ORC5: variants seen among roughly 807,000 people sequenced by gnomAD.
ORC5 encodes the protein origin recognition complex subunit 5.
ORC5 carries 39 observed loss-of-function variants against 58.8 expected under a neutral mutation model. The ratio of observed to expected loss-of-function variants is 0.66; its 90% CI spans 0.51 to 0.87. The LOEUF is 0.87. Ranked by LOEUF, ORC5 falls within the 40% of genes least tolerant of loss-of-function variation. The probability of loss-of-function intolerance (pLI) is 0.00; values close to 1 mark genes in which losing one functional copy is unlikely to be tolerated. For synonymous variants in ORC5, 218 were observed against 177.6 expected, an observed-to-expected ratio of 1.23 and a Z score of -1.81; for missense variants, 493 against 506.3, an observed-to-expected ratio of 0.97 and a Z score of 0.25.
chr7:104,158,148 T>A (rs1265430201), intron 12 of ORC5, among the ~76,000 whole-genome samples: 2 of 152,092 alleles, frequency 1.3e-5, no homozygotes, highest in Non-Finnish European at 2.9e-5. Context: ...CTGTGAACTC[T>A]TTCAACCTGC....
chr7:104,144,872 T>C (rs1336043431), intron 12 of ORC5, among the ~76,000 whole-genome samples: 1 of 152,256 alleles, frequency 6.6e-6, no homozygotes. Flanking sequence ...AATACCTATG[T>C]AGTCTGATAT....
intron 13 of ORC5, among the ~76,000 whole-genome samples, chr7:104,128,419 A>G (rs1452044927): frequency 2.6e-5 from 4 of 152,198 alleles, no homozygotes; most frequent in African/African-American, 9.6e-5. Flanking sequence ...CACCGCGCCC[A>G]GCCAACACAT....
At chr7:104,173,811 T>G (rs1214297135) in intron 8 of ORC5, among the ~76,000 whole-genome samples, 3 of 152,012 alleles carry the variant, frequency 2.0e-5, no homozygotes, top group Non-Finnish European at 2.9e-5. Flanking sequence ...TTTAGTATTT[T>G]GTTTAATCTG....
intron 4 of ORC5, among the ~76,000 whole-genome samples, 174 bp from the exon 5 acceptor site, chr7:104,195,428 C>G (rs955562204): frequency 4.6e-5 from 7 of 152,178 alleles, no homozygotes; most frequent in African/African-American, 1.4e-4. Flanking sequence ...CATTCGTTTG[C>G]AAACTGTCAC....
intron 8 of ORC5, among the ~76,000 whole-genome samples, chr7:104,169,404 T>A (rs757868381): frequency 3.9e-5 from 6 of 152,170 alleles, no homozygotes; most frequent in Non-Finnish European, 8.8e-5. Context: ...TATGAAGTGA[T>A]TATGACACGA....
At chr7:104,159,980 A>C (rs1798996664) in intron 12 of ORC5, among the ~76,000 whole-genome samples, 2 of 152,180 alleles carry the variant, frequency 1.3e-5, no homozygotes, top group Non-Finnish European at 2.9e-5. Flanking sequence ...TCCCTGTAAC[A>C]CAAATTAAAA....
At chr7:104,147,818 G>T (rs1798786012) in intron 12 of ORC5, among the ~76,000 whole-genome samples, 1 of 152,168 alleles carries the variant, frequency 6.6e-6, no homozygotes, top group Admixed American at 6.5e-5. Context: ...TTCACATTGG[G>T]TGTTGATGAT....
At chr7:104,181,151 G>T (rs1254304788) in intron 8 of ORC5, among the ~76,000 whole-genome samples, 1 of 141,090 alleles carries the variant, frequency 7.1e-6, no homozygotes, top group East Asian at 1.9e-4. Context: ...TAACTGATGA[G>T]GATGTTTTTA....
At chr7:104,147,518 T>C (rs1200767383) in intron 12 of ORC5, among the ~76,000 whole-genome samples, 1 of 152,194 alleles carries the variant, frequency 6.6e-6, no homozygotes, top group African/African-American at 2.4e-5. Context: ...ACAGTAAAAT[T>C]CTGAGCTTGC....
intron 3 of ORC5, among the ~76,000 whole-genome samples, chr7:104,198,421 CT>C (rs1390314452): frequency 2.6e-5 from 4 of 152,166 alleles, no homozygotes; most frequent in African/African-American, 4.8e-5. Context: ...AAAAGTGACT[CT>C]TGCTATGCTC....
intron 4 of ORC5, among the ~76,000 whole-genome samples, chr7:104,197,337 A>C (rs1444478949): frequency 6.6e-6 from 1 of 152,218 alleles, no homozygotes; most frequent in African/African-American, 2.4e-5. Context: ...CTGAGTGATT[A>C]TAAGGTAGAA....
chr7:104,161,523 G>A (rs915372410), intron 11 of ORC5, among the ~76,000 whole-genome samples: 6 of 151,986 alleles, frequency 3.9e-5, no homozygotes, highest in Non-Finnish European at 4.4e-5. Flanking sequence ...GGCACACACC[G>A]CAATGTTTGG....
chr7:104,202,807 C>A (rs1799976828), intron 2 of ORC5, among the ~76,000 whole-genome samples: 1 of 152,180 alleles, frequency 6.6e-6, no homozygotes, highest in South Asian at 2.1e-4. Flanking sequence ...CACAGCTGAT[C>A]TTTGAGATCA....
intron 8 of ORC5, among the ~76,000 whole-genome samples, chr7:104,182,851 G>A (rs1799463091): frequency 6.6e-6 from 1 of 152,094 alleles, no homozygotes; most frequent in Non-Finnish European, 1.5e-5. Context: ...AATTTCTGCA[G>A]TGACCGGGTG....
intron 5 of ORC5, among the ~76,000 whole-genome samples, chr7:104,192,407 A>G (rs1445869943): frequency 1.3e-5 from 2 of 152,168 alleles, no homozygotes; most frequent in African/African-American, 4.8e-5. Flanking sequence ...ACTAGTCAGA[A>G]GGCAGAGACC....
intron 12 of ORC5, among the ~76,000 whole-genome samples, chr7:104,146,687 T>C (rs1285740720): frequency 6.6e-6 from 1 of 152,154 alleles, no homozygotes; most frequent in Non-Finnish European, 1.5e-5. Context: ...TCAGTGAGTA[T>C]CACGGAGAAT....
intron 8 of ORC5, among the ~76,000 whole-genome samples, chr7:104,182,889 C>T (rs1326701942): frequency 6.6e-6 from 1 of 152,114 alleles, no homozygotes. Flanking sequence ...AATCCCAGCA[C>T]TTTGGGAGGC....
intron 8 of ORC5, among the ~76,000 whole-genome samples, chr7:104,182,595 G>A (rs759112643): frequency 9.2e-5 from 14 of 151,658 alleles, no homozygotes; most frequent in Non-Finnish European, 1.6e-4. Context: ...CGGTGTTACC[G>A]CTAATACCAC....
At chr7:104,193,865 T>C (rs1198099777) in intron 5 of ORC5, among the ~76,000 whole-genome samples, 1 of 151,832 alleles carries the variant, frequency 6.6e-6, no homozygotes, top group Non-Finnish European at 1.5e-5. Flanking sequence ...ACTTTTGTCC[T>C]CAAACTTTCA....
Sources: allele counts gnomAD v4.1 joint callset (sites outside exome capture counted in the v4.1 genomes callset), GRCh38; gene constraint gnomAD v4.1.1; transcripts MANE v1.5; gene names NCBI Gene and HGNC (gene_info 2026-07-23, HGNC 2026-07-21).